MED12L: variants seen among roughly 807,000 people sequenced by gnomAD.
MED12L encodes mediator of RNA polymerase II transcription subunit 12-like protein.
A neutral mutation model predicts 281.3 loss-of-function variants in MED12L; 60 were observed. That is an observed-to-expected ratio of 0.21 (90% CI 0.17 to 0.26). The LOEUF is 0.26. MED12L is among the 10% of genes least tolerant of loss of function. The pLI is 1.00. For missense variants in MED12L, 2,146 were observed against 2,680.9 expected, an observed-to-expected ratio of 0.80 and a Z score of 4.41; for synonymous variants, 974 against 987.2, an observed-to-expected ratio of 0.99 and a Z score of 0.25.
intron 5 of MED12L, among the ~76,000 whole-genome samples, chr3:151,137,707 AT>A (rs1292232783): frequency 1.3e-5 from 2 of 152,220 alleles, no homozygotes; most frequent in Non-Finnish European, 2.9e-5. Flanking sequence ...GAACAATCAA[AT>A]GATTTCTAGT....
At chr3:151,235,840 A>G (rs1577063708) in intron 16 of MED12L, among the ~76,000 whole-genome samples, 2 of 152,204 alleles carry the variant, frequency 1.3e-5, no homozygotes, top group South Asian at 4.2e-4. Flanking sequence ...TCACCTTCTC[A>G]GCAAGGCCTT....
intron 11 of MED12L, among the ~76,000 whole-genome samples, chr3:151,175,346 A>T (rs1721916581): frequency 6.6e-6 from 1 of 152,216 alleles, no homozygotes. Context: ...ATTTATAAAC[A>T]TGTCCTTTTA....
intron 31 of MED12L, among the ~76,000 whole-genome samples, chr3:151,379,647 G>T (rs1711882675): frequency 1.3e-5 from 2 of 152,088 alleles, no homozygotes; most frequent in African/African-American, 4.8e-5. Flanking sequence ...TGGGAAATGT[G>T]CTGAAAAACA....
chr3:151,243,641 G>A (rs1734726255), intron 16 of MED12L, among the ~76,000 whole-genome samples: 1 of 151,714 alleles, frequency 6.6e-6, no homozygotes, highest in Non-Finnish European at 1.5e-5. Context: ...AGGAACAACT[G>A]GTACCAGCCG....
intron 13 of MED12L, among the ~76,000 whole-genome samples, chr3:151,188,913 T>C (rs1375144055): frequency 6.6e-6 from 1 of 152,200 alleles, no homozygotes; most frequent in East Asian, 1.9e-4. Flanking sequence ...GCTGCTTCTC[T>C]ACACTCTCTG....
intron 16 of MED12L, among the ~76,000 whole-genome samples, chr3:151,284,706 T>A (rs989909077): frequency 6.6e-6 from 1 of 152,206 alleles, no homozygotes; most frequent in Non-Finnish European, 1.5e-5. Context: ...CCTCCCGGGT[T>A]CTGGTGATTC....
intron 16 of MED12L, among the ~76,000 whole-genome samples, chr3:151,194,424 A>G (rs566008701): frequency 3.9e-5 from 6 of 152,326 alleles, no homozygotes; most frequent in African/African-American, 9.6e-5. Flanking sequence ...GGAGACAAAC[A>G]TCTATAAATG....
chr3:151,270,960 A>G (rs187609531), intron 16 of MED12L, among the ~76,000 whole-genome samples: 2 of 152,148 alleles, frequency 1.3e-5, no homozygotes, highest in African/African-American at 4.8e-5. Flanking sequence ...TTAAATGTTA[A>G]AAGTGTACAA....
intron 28 of MED12L, among the ~76,000 whole-genome samples, chr3:151,376,465 G>GA (rs1756867706): frequency 6.6e-6 from 1 of 152,176 alleles, no homozygotes; most frequent in African/African-American, 2.4e-5. Context: ...ATGCTTCAGA[G>GA]AGGGGCTATG....
Position 151,295,121 on chromosome 3 carries a change from G to A in MED12L, c.2251-54938G>A, listed in dbSNP as rs775116512. Reference sequence around the variant, plus strand: ...GAGATAAAGCACCGGCAAGACAATTGTGTCAAATTCATTGTGAAGGGTGGT... The same window carrying A: ...GAGATAAAGCACCGGCAAGACAATTATGTCAAATTCATTGTGAAGGGTGGT... On this transcript the variant is annotated intron_variant, in intron 16 of 44. Transcript: ENST00000687756. 1.7e-5 allele frequency: 28 copies of A among 1,613,208 alleles called. No homozygotes were observed. The East Asian group carries it at 2.7e-4, about 15-fold the overall frequency.
At chr3:151,208,959 T>C (rs568329053) in intron 16 of MED12L, among the ~76,000 whole-genome samples, 97 of 152,178 alleles carry the variant, frequency 6.4e-4, no homozygotes, top group African/African-American at 2.2e-3. Flanking sequence ...ACAAATTTAC[T>C]CCCTTGTCTT....
At chr3:151,145,718 T>C (rs963545157) in intron 5 of MED12L, among the ~76,000 whole-genome samples, 1 of 152,218 alleles carries the variant, frequency 6.6e-6, no homozygotes, top group African/African-American at 2.4e-5. Flanking sequence ...TAAAACAAGT[T>C]AAGGAAATAA....
intron 16 of MED12L, among the ~76,000 whole-genome samples, chr3:151,295,749 AC>A (rs1260339067): frequency 6.6e-6 from 1 of 152,206 alleles, no homozygotes; most frequent in Non-Finnish European, 1.5e-5. Context: ...TTCTTATAGT[AC>A]TTAAGATATT....
At chr3:151,387,181 G>A (rs561560023) in intron 36 of MED12L, among the ~76,000 whole-genome samples, 1 of 146,302 alleles carries the variant, frequency 6.8e-6, no homozygotes, top group South Asian at 2.2e-4. Context: ...TTAATGTTAA[G>A]AATAAAAAGA....
intron 16 of MED12L, among the ~76,000 whole-genome samples, chr3:151,347,302 T>C (rs376185977): frequency 2.7e-4 from 41 of 152,348 alleles, no homozygotes; most frequent in South Asian, 1.4e-3. Context: ...AGTCTGCTTA[T>C]TTTGTATTTA....
chr3:151,235,383 G>T (rs1202126444), intron 16 of MED12L, among the ~76,000 whole-genome samples: 3 of 152,118 alleles, frequency 2.0e-5, no homozygotes, highest in African/African-American at 7.2e-5. Flanking sequence ...CCCTATAGTG[G>T]GGTTGAAGTT....
intron 16 of MED12L, among the ~76,000 whole-genome samples, chr3:151,219,169 A>T (rs778870111): frequency 1.3e-5 from 2 of 152,218 alleles, no homozygotes; most frequent in African/African-American, 4.8e-5. Flanking sequence ...TAGTGAGTGC[A>T]CTTGTCCCTT....
intron 12 of MED12L, among the ~76,000 whole-genome samples, chr3:151,186,475 TTCTCCCCAGGG>T (rs1049994539): frequency 1.3e-5 from 2 of 152,194 alleles, no homozygotes; most frequent in Non-Finnish European, 2.9e-5. Context: ...TCTTGTGCCC[TTCTCCCCAGGG>T]TCACAGCTCC....
At chr3:151,337,844 A>T (rs772596809) in intron 16 of MED12L, 4 of 1,614,068 alleles carry the variant, frequency 2.5e-6, no homozygotes, top group Non-Finnish European at 3.4e-6. Context: ...CATTTGGGTC[A>T]CCACCATCCT....
Sources: allele counts gnomAD v4.1 joint callset (sites outside exome capture counted in the v4.1 genomes callset), GRCh38; gene constraint gnomAD v4.1.1; transcripts MANE v1.5; gene names NCBI Gene and HGNC (gene_info 2026-07-23, HGNC 2026-07-21).